PKN2: variants seen among roughly 807,000 people sequenced by gnomAD.
PKN2 encodes the protein protein kinase N2.
PKN2 carries 38 observed loss-of-function variants against 119.1 expected under a neutral mutation model. The observed-to-expected ratio is 0.32, with a 90% CI of 0.25 to 0.42. The LOEUF (loss-of-function observed/expected upper bound fraction) is 0.42. Among genes scored for constraint, PKN2 ranks in the 10% least tolerant of loss-of-function variants. The pLI is 1.00. For missense variants in PKN2, 850 were observed against 1,165.1 expected (o/e 0.73, Z 3.94); for synonymous variants, 390 against 384.9 (o/e 1.01, Z -0.15).
chr1:88,821,745 T>A (rs1205581502), intron 16 of PKN2, among the ~76,000 whole-genome samples, 196 bp from the exon 17 acceptor site: 1 of 152,232 alleles, frequency 6.6e-6, no homozygotes, highest in African/African-American at 2.4e-5. Flanking sequence ...GTTAATGGCT[T>A]CCATTGTCAA....
At chr1:88,686,867 A>G (rs1666123993) in intron 1 of PKN2, among the ~76,000 whole-genome samples, 2 of 152,116 alleles carry the variant, frequency 1.3e-5, no homozygotes, top group Admixed American at 1.3e-4. Flanking sequence ...TTGAATTTAG[A>G]CTGAAATACT....
intron 6 of PKN2, among the ~76,000 whole-genome samples, chr1:88,778,527 G>A (rs894656494): frequency 6.6e-6 from 1 of 152,186 alleles, no homozygotes; most frequent in South Asian, 2.1e-4. Flanking sequence ...ATAATATGTA[G>A]AAGCATTGCA....
At chr1:88,829,487 C>A in intron 19 of PKN2, 1 of 189,258 alleles carries the variant, frequency 5.3e-6, no homozygotes. Flanking sequence ...AAAAAATTCG[C>A]ATTTTTTCCT....
rs200728815 is a variant in PKN2, at chr1:88,807,293, G to T, written c.1804-20G>T. 6.9e-7 allele frequency: 1 copy of T among 1,447,692 alleles called. No homozygotes were observed. The highest frequency in any genetic ancestry group is 9.4e-7 in the Non-Finnish European group (1 of 1,064,240). 89.7% of individuals were successfully genotyped at this position (1,447,692 alleles called of 1,614,324 possible). A position where few individuals can be genotyped will look rare whatever the true frequency, so the allele number is the denominator to read the frequency against. On this transcript the variant is annotated intron_variant, in intron 12 of 21. Coordinates refer to ENST00000370521, the MANE Select transcript of PKN2 (RefSeq NM_006256.4). ...TTTCTGGGTATTTCTATGGATTCACGTGTATTTAATATTTTACAGGATTCA... is the reference window on the plus strand; with the variant it reads ...TTTCTGGGTATTTCTATGGATTCACTTGTATTTAATATTTTACAGGATTCA...
At chr1:88,817,694 G>A (rs1345108577) in intron 16 of PKN2, among the ~76,000 whole-genome samples, 1 of 143,040 alleles carries the variant, frequency 7.0e-6, no homozygotes, top group African/African-American at 2.6e-5. Flanking sequence ...GGGCGACAAA[G>A]CGAGACTCCG....
At chr1:88,739,630 TCTC>T (rs1490851449) in intron 1 of PKN2, among the ~76,000 whole-genome samples, 8 of 152,198 alleles carry the variant, frequency 5.3e-5, no homozygotes, top group Non-Finnish European at 8.8e-5. Context: ...TAAACTCAAA[TCTC>T]CTCCCTAGAG....
chr1:88,800,144 A>G (rs1328105719), intron 8 of PKN2, among the ~76,000 whole-genome samples: 1 of 152,082 alleles, frequency 6.6e-6, no homozygotes, highest in African/African-American at 2.4e-5. Flanking sequence ...CTCCACTTCT[A>G]TCAAAGTTTC....
rs561839062 is a variant in PKN2 at position 88,828,052 on chromosome 1, T to C, written c.2420-429T>C. ...ATCTCTCTGTATTATATGACACATT[T>C]GGTCAGCTTCTGATTATCCAAGGGT... is the stretch of plus-strand genomic sequence containing the variant. On this transcript the variant is annotated intron_variant, in intron 18 of 21. Transcript: ENST00000370521. 3.3e-5 allele frequency among the ~76,000 whole-genome samples: 5 copies of C among 152,242 alleles called. No homozygotes were observed. In the South Asian group the frequency reaches 1.0e-3, roughly 32 times the overall value.
chr1:88,780,322 GGT>G (rs1488585608), intron 6 of PKN2, among the ~76,000 whole-genome samples: 1 of 151,914 alleles, frequency 6.6e-6, no homozygotes, highest in African/African-American at 2.4e-5. Context: ...AAAACTATAA[GGT>G]ATATCTTTTG....
At chr1:88,717,062 T>G (rs991819515) in intron 1 of PKN2, among the ~76,000 whole-genome samples, 4 of 152,150 alleles carry the variant, frequency 2.6e-5, no homozygotes, top group African/African-American at 9.7e-5. Flanking sequence ...GAAGCTTAGT[T>G]TGGCTGGATA....
At chr1:88,741,984 G>A (rs1245143613) in intron 2 of PKN2, among the ~76,000 whole-genome samples, 1 of 151,714 alleles carries the variant, frequency 6.6e-6, no homozygotes, top group Non-Finnish European at 1.5e-5. Flanking sequence ...CTCCTTAAAG[G>A]TAACATTACT....
intron 3 of PKN2, among the ~76,000 whole-genome samples, chr1:88,760,650 T>C (rs909604438): frequency 6.6e-6 from 1 of 152,186 alleles, no homozygotes; most frequent in Non-Finnish European, 1.5e-5. Context: ...AGTGCTGTTT[T>C]TTTTCACATT....
chr1:88,774,116 GA>G (rs1431163634), intron 6 of PKN2, among the ~76,000 whole-genome samples: 2 of 152,102 alleles, frequency 1.3e-5, no homozygotes, highest in African/African-American at 4.8e-5. Flanking sequence ...GCAGCGAAAA[GA>G]AAATAAACAT....
At chr1:88,776,553 A>T (rs1272554467) in intron 6 of PKN2, among the ~76,000 whole-genome samples, 1 of 151,934 alleles carries the variant, frequency 6.6e-6, no homozygotes, top group Non-Finnish European at 1.5e-5. Context: ...CAGCCTGGCC[A>T]GCATGGTGAA....
chr1:88,784,768 C>G lies in PKN2; in HGVS notation c.1115C>G (p.Thr372Arg), dbSNP rs1670503108. 6.2e-7 allele frequency: 1 copy of G among 1,611,424 alleles called. No homozygotes were observed. The highest frequency in any genetic ancestry group is 1.7e-5 in the Admixed American group (1 of 59,732). Residue 372 changes from threonine (T) to arginine (R), a missense_variant, in exon 7 of 22, where the codon ACG becomes AGG. By Grantham distance (71) the Thr-to-Arg change is moderately conservative. Transcript: ENST00000370521. ...ACCAGATCATCTTTCATGAGCAGAA[C>G]GAGTAAAAGTAAAAGCGGAAGTAGT... is the stretch of plus-strand genomic sequence containing the variant. ...SETRSSFMSR[T>R]SKSKSGSSRN...
At chr1:88,727,835 C>G (rs556974794) in intron 1 of PKN2, among the ~76,000 whole-genome samples, 7 of 152,202 alleles carry the variant, frequency 4.6e-5, no homozygotes, top group African/African-American at 1.7e-4. Flanking sequence ...TAATACTAAC[C>G]GGACCACCTA....
At chr1:88,766,055 C>T (rs1156250814) in intron 3 of PKN2, among the ~76,000 whole-genome samples, 1 of 152,174 alleles carries the variant, frequency 6.6e-6, no homozygotes, top group East Asian at 1.9e-4. Context: ...TTAGATGATC[C>T]CCCAGCCTTG....
intron 6 of PKN2, among the ~76,000 whole-genome samples, chr1:88,782,009 C>G (rs910805880): frequency 1.3e-5 from 2 of 152,090 alleles, no homozygotes; most frequent in African/African-American, 4.8e-5. Context: ...AGAATTCACT[C>G]ATTTTAAACA....
At chr1:88,803,265 T>C (rs2100870127) in intron 8 of PKN2, among the ~76,000 whole-genome samples, 1 of 152,308 alleles carries the variant, frequency 6.6e-6, no homozygotes, top group East Asian at 1.9e-4. Flanking sequence ...TCATGTTGCA[T>C]TTTTTATAAG....
Sources: gnomAD v4.1 joint callset for allele counts (sites outside exome capture counted in the v4.1 genomes callset) on GRCh38, gnomAD v4.1.1 for gene constraint, MANE v1.5 for transcripts, NCBI Gene and HGNC (gene_info 2026-07-23, HGNC 2026-07-21) for gene names.